The following STK36 variants were observed in gnomAD, a reference collection of about 807,000 sequenced individuals.
The protein encoded by STK36 is serine/threonine-protein kinase 36.
A neutral mutation model predicts 142.2 loss-of-function variants in STK36; 116 were observed. The ratio of observed to expected loss-of-function variants is 0.82; its 90% CI spans 0.70 to 0.95. STK36 has a LOEUF of 0.95. Ranked by LOEUF, STK36 falls within the 40% of genes least tolerant of loss-of-function variation. STK36 has a pLI of 0.00. For synonymous variants in STK36, 619 were observed against 641.7 expected, an observed-to-expected ratio of 0.96 and a Z score of 0.53; for missense variants, 1,422 against 1,617.2, an observed-to-expected ratio of 0.88 and a Z score of 2.07.
rs151273922 is a variant in STK36, at chr2:218,673,945, C to T, written c.292C>T (p.Pro98Ser). Residue 98 changes from proline (P) to serine (S), a missense_variant, in exon 4 of 27, where the codon CCT becomes TCT. This residue lies in a region of STK36 where 460 missense variants were observed against 449.6 expected (regional missense o/e 1.02). Coordinates refer to ENST00000295709, the MANE Select transcript of STK36 (RefSeq NM_015690.5). ...GATCCTAGAAGATGACGGAAAACTT[C>T]CTGAAGACCAGGTATGCTTTCTGCC... Reference protein sequence around the residue: ...FQILEDDGKLPEDQVQAIAAQ... With the variant: ...FQILEDDGKLSEDQVQAIAAQ... The T allele has an allele frequency of 2.2e-5, 36 of 1,613,934 alleles. No individual in the cohort carries two copies. The African/African-American group carries it at 3.9e-4, about 17-fold the overall frequency.
chr2:218,685,705 T>A lies in STK36; in HGVS notation c.1380+477T>A, dbSNP rs80289628. Among the ~76,000 whole-genome samples, 1,476 of 152,308 alleles carry A rather than the reference T, an allele frequency of 9.7e-3. 27 individuals carry two copies. The highest frequency in any genetic ancestry group is 0.033 in the African/African-American group (1,380 of 41,550). ...GCATTCAAAGTTAGTGTAAAGTTAG[T>A]GTTCCCTCCTACAAAACCTTACTTT... On this transcript the variant is annotated intron_variant, in intron 11 of 26. Transcript: ENST00000295709.
chr2:218,697,812 TA>T, intron 24 of STK36, 41 bp from the exon 25 acceptor site: 1 of 1,613,814 alleles, frequency 6.2e-7, no homozygotes, highest in Non-Finnish European at 8.5e-7. Flanking sequence ...TGATAAAGGT[TA>T]AGTGAACAAG....
chr2:218,696,103 C>T lies in STK36; in HGVS notation c.2512-424C>T, dbSNP rs1941224891. On this transcript the variant is annotated intron_variant, in intron 21 of 26. Coordinates refer to ENST00000295709, the MANE Select transcript of STK36 (RefSeq NM_015690.5). ...GGTCTGGAACTCCTGACTTCCTGATCCCCCCGCCTCAGCCTCCCAAAGTGC... is the reference window on the plus strand; with the variant it reads ...GGTCTGGAACTCCTGACTTCCTGATTCCCCCGCCTCAGCCTCCCAAAGTGC... Among the ~76,000 whole-genome samples, 5 of 151,912 alleles carry T rather than the reference C, an allele frequency of 3.3e-5. No individual in the cohort carries two copies. In the South Asian group the frequency reaches 1.0e-3, roughly 32 times the overall value.
chr2:218,699,860 T>G (rs935824912), intron 26 of STK36, among the ~76,000 whole-genome samples: 3 of 152,126 alleles, frequency 2.0e-5, no homozygotes, highest in African/African-American at 7.2e-5. Context: ...AACTCAGAAG[T>G]CTGAGTCCAG....
chr2:218,693,674 G>T (rs2106362063), intron 17 of STK36, 49 bp from the exon 18 acceptor site: 2 of 1,555,630 alleles, frequency 1.3e-6, no homozygotes, highest in Non-Finnish European at 8.8e-7. Context: ...CAATCTTGGA[G>T]CCCGGGGCCT....
intron 5 of STK36, 94 bp downstream of exon 5, chr2:218,675,567 C>T: frequency 7.0e-7 from 1 of 1,437,966 alleles, no homozygotes; most frequent in Non-Finnish European, 9.3e-7. Context: ...TCTTGTTACC[C>T]AGGCTGAAGT....
At chr2:218,690,388 T>C (rs1225826982) in intron 13 of STK36, 62 bp from the exon 14 acceptor site, 2 of 1,393,228 alleles carry the variant, frequency 1.4e-6, no homozygotes, top group Admixed American at 1.7e-5. Context: ...GACTGACCCA[T>C]TCACCACATC....
chr2:218,701,865 G>T lies in STK36; in HGVS notation c.3805-1G>T, dbSNP rs1198495787. Reference sequence around the variant, plus strand: ...TCTATCATCTGTTCTCTATCCTACAGGTACTGGTGTCCCTGGGTGCCAGTG... The same window carrying T: ...TCTATCATCTGTTCTCTATCCTACATGTACTGGTGTCCCTGGGTGCCAGTG... On this transcript the variant is annotated splice_acceptor_variant, in intron 26 of 26. Transcript: ENST00000295709. LOFTEE classifies it high-confidence loss of function. The T allele has an allele frequency of 4.3e-6, 7 of 1,613,880 alleles. No individual in the cohort carries two copies. The highest frequency in any genetic ancestry group is 5.9e-6 in the Non-Finnish European group (7 of 1,179,972).
At chr2:218,698,024 G>C in intron 25 of STK36, 23 bp downstream of exon 25, 1 of 1,613,890 alleles carries the variant, frequency 6.2e-7, no homozygotes, top group Non-Finnish European at 8.5e-7. Flanking sequence ...CTAGCATGAA[G>C]GTGGGAGAGG....
chr2:218,690,674 T>A, intron 14 of STK36, 119 bp downstream of exon 14: 1 of 811,134 alleles, frequency 1.2e-6, no homozygotes, highest in Non-Finnish European at 2.0e-6. Context: ...TTTGTTAAAT[T>A]CCCACCATGC....
Position 218,680,010 on chromosome 2 carries a change from G to A in STK36, c.1066G>A (p.Gly356Arg), listed in dbSNP as rs78424919. ...ATPQESSLLA[G>R]ILASELKSSW... is the part of the protein sequence containing the mutation. The stretch of plus-strand genomic sequence containing the variant: ...TCCTCAGGAATCAAGCCTCCTGGCC[G>A]GGATCTTAGCCTCAGAATTGAAGAG... The change falls in exon 9 of 27, where the codon GGG becomes AGG. Residue 356 changes from glycine to arginine, a missense_variant. Physicochemically the swap from Gly to Arg is moderately radical, Grantham distance 125. Coordinates refer to ENST00000295709, the MANE Select transcript of STK36 (RefSeq NM_015690.5). 1.6e-4 allele frequency: 266 copies of A among 1,614,132 alleles called. 1 individual carries two copies. In the African/African-American group the frequency reaches 2.5e-3, roughly 15 times the overall value.
At chr2:218,674,545 T>C (rs1341222546) in intron 4 of STK36, among the ~76,000 whole-genome samples, 1 of 152,242 alleles carries the variant, frequency 6.6e-6, no homozygotes, top group Non-Finnish European at 1.5e-5. Flanking sequence ...TTCTCTTTCC[T>C]TCTGAGCACT....
In STK36 at chr2:218,694,746, G is replaced by A; in HGVS notation, c.2511+111G>A. On this transcript the variant is annotated intron_variant, in intron 21 of 26. Transcript: ENST00000295709. The surrounding 1 kb of genome is among the most constrained non-coding windows in gnomAD (Gnocchi z 4.4). ...GCAAGCCTGGAGTAAACTGAGGAAT[G>A]GAAAAGGAATCAAGGAGCCCTTCCT... 1 of 904,972 alleles carries A rather than the reference G, an allele frequency of 1.1e-6. No individual in the cohort carries two copies. Among genetic ancestry groups the A allele is most frequent in the Non-Finnish European group, 1.7e-6 (1 of 580,918 alleles). The allele number at this position is 904,972 out of a possible 1,614,324, so 56.1% of individuals were successfully genotyped here.
At chr2:218,677,279 C>T (rs1476801662) in intron 6 of STK36, among the ~76,000 whole-genome samples, 1 of 152,214 alleles carries the variant, frequency 6.6e-6, no homozygotes, top group Admixed American at 6.5e-5. Flanking sequence ...AATTCATTCA[C>T]TATCATGAGA....
intron 2 of STK36, 34 bp from the exon 3 acceptor site, chr2:218,673,591 A>G: frequency 6.3e-7 from 1 of 1,592,228 alleles, no homozygotes; most frequent in Non-Finnish European, 8.5e-7. Context: ...CAGTAGTGTG[A>G]TTAGGCGTTA....
chr2:218,690,446 C>T lies in STK36; in HGVS notation c.1659-4C>T. 1 of 1,613,432 alleles carries T rather than the reference C, an allele frequency of 6.2e-7. No individual in the cohort carries two copies. The highest frequency in any genetic ancestry group is 8.5e-7 in the Non-Finnish European group (1 of 1,179,452). On this transcript the variant is annotated splice_polypyrimidine_tract_variant and splice_region_variant and intron_variant, in intron 13 of 26. Transcript: ENST00000295709. ...GAAATCATGGGCTCATTTTCCACCCCCAGCCTGCAGGTGTTTCAGGAGGCT... is the reference window on the plus strand; with the variant it reads ...GAAATCATGGGCTCATTTTCCACCCTCAGCCTGCAGGTGTTTCAGGAGGCT...
rs746023468 is a variant in STK36 at position 218,675,477 on chromosome 2, AAGATTCTG to A, written c.434+7_434+14del. The A allele has an allele frequency of 2.0e-5, 32 of 1,611,908 alleles. 1 individual carries two copies. The South Asian group carries it at 3.4e-4, about 17-fold the overall frequency. On this transcript the variant is annotated splice_donor_5th_base_variant and intron_variant, in intron 5 of 26. Coordinates refer to ENST00000295709, the MANE Select transcript of STK36 (RefSeq NM_015690.5). ...GCATCAAGCTCTGTGACTTTGGGTAAAGATTCTGAGCATCCATCTAAGCTTCCAGTTCC... is the reference window on the plus strand; with the variant it reads ...GCATCAAGCTCTGTGACTTTGGGTAAAGCATCCATCTAAGCTTCCAGTTCC...
At chr2:218,690,386 C>A in intron 13 of STK36, 64 bp from the exon 14 acceptor site, 1 of 1,341,158 alleles carries the variant, frequency 7.5e-7, no homozygotes, top group South Asian at 1.2e-5. Flanking sequence ...AGGACTGACC[C>A]ATTCACCACA....
Position 218,694,302 on chromosome 2 carries a change from C to T in STK36, c.2375C>T (p.Thr792Ile). The T allele has an allele frequency of 6.2e-7, 1 of 1,614,102 alleles. No individual in the cohort carries two copies. The highest frequency in any genetic ancestry group is 8.5e-7 in the Non-Finnish European group (1 of 1,179,932). The part of the protein sequence containing the change: ...KLGSDVATLF[T>I]HSHVVSLVSA... ...GGCAGTGACGTTGCTACTCTCTTTA[C>T]CCATTCGCATGTCGTCTCTCTTGTG... is the stretch of plus-strand genomic sequence containing the variant. The change falls in exon 20 of 27, where the codon ACC becomes ATC. Residue 792 changes from threonine to isoleucine, a missense_variant. Coordinates refer to ENST00000295709, the MANE Select transcript of STK36 (RefSeq NM_015690.5). This position sits in a 1 kb window ranked among gnomAD's most constrained non-coding sequence, Gnocchi z 4.4.
Sources: gnomAD v4.1 joint callset for allele counts (sites outside exome capture counted in the v4.1 genomes callset) on GRCh38, gnomAD v4.1.1 for gene constraint, gnomAD v4.1.1 regional missense constraint, Gnocchi (gnomAD v3.1) non-coding constraint, MANE v1.5 for transcripts, NCBI Gene and HGNC (gene_info 2026-07-23, HGNC 2026-07-21) for gene names.